The following SLC38A9 variants were observed in gnomAD, a reference collection of about 807,000 sequenced individuals.
SLC38A9 encodes neutral amino acid transporter 9.
SLC38A9 carries 48 observed loss-of-function variants against 62.3 expected under a neutral mutation model. The ratio of observed to expected loss-of-function variants is 0.77; its 90% confidence interval spans 0.61 to 0.98. The LOEUF is 0.98. SLC38A9 is among the 50% of genes least tolerant of loss of function. The pLI is 0.00. For missense variants in SLC38A9, 541 were observed against 679.8 expected (o/e 0.80, Z 2.27); for synonymous variants, 204 against 227.7 (o/e 0.90, Z 0.94).
In SLC38A9 at chr5:55,668,716, C is replaced by T. The variant is rs138213232; in HGVS notation, c.526+512G>A. The stretch of plus-strand genomic sequence containing the variant: ...TAGGTCCTAGACTACTTTAAAACAA[C>T]CTAAAAAAGATATTTCCCTGATCCA... On this transcript the variant is annotated intron_variant, in intron 7 of 15. Transcript: ENST00000396865. Among the ~76,000 whole-genome samples, 10 of 152,236 alleles carry T rather than the reference C, an allele frequency of 6.6e-5. No homozygotes were observed. In the East Asian group the frequency reaches 1.9e-3, roughly 29 times the overall value.
At chr5:55,706,628 G>T (rs893403194) in intron 2 of SLC38A9, among the ~76,000 whole-genome samples, 1 of 152,180 alleles carries the variant, frequency 6.6e-6, no homozygotes, top group Non-Finnish European at 1.5e-5. Flanking sequence ...GAAAACTGAT[G>T]ATTTCAAATA....
chr5:55,694,754 C>CTCCTT (rs570063941), intron 3 of SLC38A9, among the ~76,000 whole-genome samples: 12,142 of 139,724 alleles, frequency 0.087, 637 homozygotes, highest in East Asian at 0.19. Flanking sequence ...CTCCTCTCCT[C>CTCCTT]TCCTTTCCTT....
Position 55,669,877 on chromosome 5 carries a change from A to G in SLC38A9, c.249T>C (p.Ile83=). The change falls in exon 5 of 16, where the codon ATT becomes ATC. Residue 83 remains isoleucine, a splice_region_variant and synonymous_variant. Coordinates refer to ENST00000396865, the MANE Select transcript of SLC38A9 (RefSeq NM_173514.4). ...GAGCTGGAACTACATGGTCTGGGGC[A>G]ATCTGGTAAAAAGGAAACATAGATA... ...RLTTPADKAL[I]APDHVVPAPE... is the part of the protein sequence containing the mutation. 5 of 1,585,358 alleles carry G rather than the reference A, an allele frequency of 3.2e-6. No individual in the cohort carries two copies. Among genetic ancestry groups the G allele is most frequent in the Non-Finnish European group, 4.3e-6 (5 of 1,170,228 alleles).
rs753026541 is a variant in SLC38A9, at chr5:55,664,757, T to C, written c.633A>G (p.Gly211=). 1 of 1,590,186 alleles carries C rather than the reference T, an allele frequency of 6.3e-7. No homozygotes were observed. The part of the protein sequence containing the change: ...SLLFSLVSLI[G]AMIVYWVLMS... Reference sequence around the variant, plus strand: ...TAAGCACCCAATAAACTATCATTGCTCCAATGAGAGACACCAAGGAGAAAA... The same window carrying C: ...TAAGCACCCAATAAACTATCATTGCCCCAATGAGAGACACCAAGGAGAAAA... Residue 211 remains glycine, a synonymous_variant, in exon 8 of 16, where the codon GGA becomes GGG. Coordinates refer to ENST00000396865, the MANE Select transcript of SLC38A9 (RefSeq NM_173514.4).
At chr5:55,710,538 G>A (rs1372647245) in intron 2 of SLC38A9, among the ~76,000 whole-genome samples, 1 of 152,214 alleles carries the variant, frequency 6.6e-6, no homozygotes, top group African/African-American at 2.4e-5. Flanking sequence ...GAAGTTTGTA[G>A]TTGTTTATGA....
rs1554058194 is a variant in SLC38A9 at position 55,662,690 on chromosome 5, A to AC, written c.697+2002_697+2003insG. 5.7e-3 allele frequency among the ~76,000 whole-genome samples: 858 copies of AC among 151,270 alleles called. 10 individuals are homozygous for AC. The highest frequency in any genetic ancestry group is 0.02 in the African/African-American group (832 of 41,240). On this transcript the variant is annotated intron_variant, in intron 8 of 15. Coordinates refer to ENST00000396865, the MANE Select transcript of SLC38A9 (RefSeq NM_173514.4). ...TCTCAAAAAAACAAAAAAAAACCAA[A>AC]AAAAAAAAATGCAAAACAAATAGTG...
intron 11 of SLC38A9, among the ~76,000 whole-genome samples, chr5:55,647,329 GA>G (rs1015402654): frequency 5.3e-5 from 8 of 151,618 alleles, no homozygotes; most frequent in Admixed American, 2.0e-4. Context: ...CTAATAGAAA[GA>G]AAAAAAATGA....
chr5:55,635,658 C>T lies in SLC38A9; in HGVS notation c.1168-1G>A. ...TATAAGCAATGCACAAGTCCCTCACCTGTAAATACAGAACAAAAGTCCCAT... is the reference window on the plus strand; with the variant it reads ...TATAAGCAATGCACAAGTCCCTCACTTGTAAATACAGAACAAAAGTCCCAT... On this transcript the variant is annotated splice_acceptor_variant, in intron 12 of 15. Coordinates refer to ENST00000396865, the MANE Select transcript of SLC38A9 (RefSeq NM_173514.4). LOFTEE classifies it high-confidence loss of function. The T allele has an allele frequency of 1.2e-6, 2 of 1,603,396 alleles. No individual in the cohort carries two copies. The highest frequency in any genetic ancestry group is 1.1e-5 in the South Asian group (1 of 90,822).
At chr5:55,688,267 T>A (rs1309668996) in intron 3 of SLC38A9, among the ~76,000 whole-genome samples, 1 of 152,204 alleles carries the variant, frequency 6.6e-6, no homozygotes, top group African/African-American at 2.4e-5. Flanking sequence ...CTTGCCTGAT[T>A]GCTCTGGCCA....
At chr5:55,666,931 C>T (rs1379160899) in intron 7 of SLC38A9, among the ~76,000 whole-genome samples, 1 of 151,988 alleles carries the variant, frequency 6.6e-6, no homozygotes, top group Non-Finnish European at 1.5e-5. Context: ...AGGAGAATGG[C>T]GTGAACCTGG....
chr5:55,709,092 AGGATC>A (rs760593883), intron 2 of SLC38A9, among the ~76,000 whole-genome samples: 1 of 152,246 alleles, frequency 6.6e-6, no homozygotes, highest in African/African-American at 2.4e-5. Flanking sequence ...GTTAGCCAAT[AGGATC>A]TATAATGCTC....
chr5:55,656,002 A>G (rs1051512797), intron 9 of SLC38A9, among the ~76,000 whole-genome samples: 1 of 152,186 alleles, frequency 6.6e-6, no homozygotes, highest in Non-Finnish European at 1.5e-5. Flanking sequence ...TATAGCCTAT[A>G]TATTAATAAC....
intron 11 of SLC38A9, among the ~76,000 whole-genome samples, chr5:55,646,334 A>G (rs6450334): frequency 0.59 from 90,095 of 151,636 alleles, 27,414 homozygotes; most frequent in South Asian, 0.7. Flanking sequence ...TCACACCATT[A>G]CACTGCAGCC....
intron 3 of SLC38A9, among the ~76,000 whole-genome samples, chr5:55,689,454 T>C (rs1754419420): frequency 6.6e-6 from 1 of 152,232 alleles, no homozygotes; most frequent in African/African-American, 2.4e-5. Context: ...TCAATAATAT[T>C]TGGTTTTAAG....
chr5:55,660,832 C>T (rs1243362218), intron 8 of SLC38A9, among the ~76,000 whole-genome samples: 1 of 151,930 alleles, frequency 6.6e-6, no homozygotes, highest in Non-Finnish European at 1.5e-5. Context: ...ATCTAAAAGG[C>T]TCCTTGAAGG....
intron 3 of SLC38A9, chr5:55,691,100 C>T (rs193169953): frequency 5.8e-6 from 4 of 693,674 alleles, no homozygotes; most frequent in South Asian, 4.5e-5. Flanking sequence ...AGTAGGAATG[C>T]TGCCTGTACC....
chr5:55,633,133 G>A (rs1176838926), intron 14 of SLC38A9, among the ~76,000 whole-genome samples: 2 of 151,874 alleles, frequency 1.3e-5, no homozygotes, highest in African/African-American at 4.8e-5. Context: ...TCAGCCTCCT[G>A]AGTAACTGGG....
At chr5:55,679,802 A>G (rs991333774) in intron 3 of SLC38A9, among the ~76,000 whole-genome samples, 2 of 152,254 alleles carry the variant, frequency 1.3e-5, no homozygotes, top group Non-Finnish European at 2.9e-5. Flanking sequence ...GTGACATTCC[A>G]CAAAGGAAAA....
At chr5:55,692,661 A>G in intron 3 of SLC38A9, 3 of 985,316 alleles carry the variant, frequency 3.0e-6, no homozygotes, top group Non-Finnish European at 3.6e-6. Flanking sequence ...TAGAAAATAT[A>G]TTGCCATTTA....
Sources: gnomAD v4.1 joint callset for allele counts (sites outside exome capture counted in the v4.1 genomes callset) on GRCh38, gnomAD v4.1.1 for gene constraint, MANE v1.5 for transcripts, NCBI Gene and HGNC (gene_info 2026-07-23, HGNC 2026-07-21) for gene names.